The following PHC1 variants were observed in gnomAD, a reference collection of about 807,000 sequenced individuals.
The protein encoded by PHC1 is polyhomeotic-like protein 1.
In PHC1, 12 loss-of-function variants were observed where a neutral mutation model predicts 104.3. The observed-to-expected ratio is 0.12, with a 90% confidence interval of 0.07 to 0.19. PHC1 has a LOEUF of 0.19. Among genes scored for constraint, PHC1 ranks in the 10% least tolerant of loss-of-function variants. The pLI is 1.00. For synonymous variants in PHC1, 302 were observed against 455.8 expected (o/e 0.66, Z 4.30); for missense variants, 671 against 1,200.0 (o/e 0.56, Z 6.51).
At chr12:8,926,927 T>C (rs1419904549) in intron 6 of PHC1, among the ~76,000 whole-genome samples, 2 of 150,116 alleles carry the variant, frequency 1.3e-5, no homozygotes, top group Admixed American at 6.6e-5. Context: ...AAAAAAAAAA[T>C]GTTTGGGGAG....
chr12:8,928,094 G>A (rs1945580737), intron 6 of PHC1, among the ~76,000 whole-genome samples: 1 of 151,662 alleles, frequency 6.6e-6, no homozygotes, highest in Non-Finnish European at 1.5e-5. Context: ...TTTAGTAGAA[G>A]ACGGGGTTTC....
chr12:8,921,854 C>T (rs1418631624), intron 5 of PHC1, 104 bp downstream of exon 5: 1 of 1,159,942 alleles, frequency 8.6e-7, no homozygotes, highest in African/African-American at 1.6e-5. Flanking sequence ...CGCTATGTCA[C>T]CCAGGCTGGA....
At chr12:8,921,425 A>G (rs1945359556) in intron 4 of PHC1, among the ~76,000 whole-genome samples, 176 bp from the exon 5 acceptor site, 1 of 152,172 alleles carries the variant, frequency 6.6e-6, no homozygotes, top group Admixed American at 6.5e-5. Context: ...CACTTTGGTA[A>G]TACCCTAAAG....
chr12:8,917,873 T>C, intron 2 of PHC1, 82 bp downstream of exon 2: 3 of 731,362 alleles, frequency 4.1e-6, no homozygotes, highest in East Asian at 6.4e-5. Context: ...TTGTACTCAG[T>C]TCTTTTTCAA....
At chr12:8,934,175 A>T in intron 9 of PHC1, 92 bp from the exon 10 acceptor site, 1 of 1,294,448 alleles carries the variant, frequency 7.7e-7, no homozygotes, top group East Asian at 2.3e-5. Flanking sequence ...AAGGGTGGAC[A>T]TAGATTATTA....
rs373502292 is a variant in PHC1 at position 8,922,756 on chromosome 12, C to T, written c.580C>T (p.Gln194Ter). Residue 194 changes from glutamine to a stop codon, truncating the protein, a stop_gained, in exon 6 of 15, where the codon CAG becomes TAG. Transcript: ENST00000544916. LOFTEE classifies it high-confidence loss of function. Reference protein sequence around the residue: ...AAVQQEVPSAQSPGVHADADQ... With the variant: ...AAVQQEVPSA ...AGTCCAGCAGGAGGTGCCATCTGCT[C>T]AGTCTCCTGGAGTTCATGCAGATGC... The T allele has an allele frequency of 1.2e-6, 2 of 1,612,686 alleles. No individual in the cohort carries two copies. Among genetic ancestry groups the T allele is most frequent in the Non-Finnish European group, 1.7e-6 (2 of 1,179,544 alleles).
chr12:8,938,699 A>G (rs1006963047), intron 14 of PHC1, among the ~76,000 whole-genome samples: 3 of 152,210 alleles, frequency 2.0e-5, no homozygotes, highest in South Asian at 2.1e-4. Flanking sequence ...TTTTGCCAGT[A>G]TAAAAGAAAA....
rs191283268 is a variant in PHC1 at position 8,919,751 on chromosome 12, C to T, written c.115-5C>T. 34 of 1,611,512 alleles carry T rather than the reference C, an allele frequency of 2.1e-5. No individual in the cohort carries two copies. Among genetic ancestry groups the T allele is most frequent in the Admixed American group, 1.7e-5 (1 of 59,792 alleles). On this transcript the variant is annotated splice_region_variant and splice_polypyrimidine_tract_variant and intron_variant, in intron 2 of 14. Transcript: ENST00000544916. This position sits in a 1 kb window ranked among gnomAD's most constrained non-coding sequence, Gnocchi z 4.9. ...TTCTAAATGTTTTATCCTCTCTTTTCCTAGGCTCTGCAAGCACTGCAGCGG... is the reference window on the plus strand; with the variant it reads ...TTCTAAATGTTTTATCCTCTCTTTTTCTAGGCTCTGCAAGCACTGCAGCGG...
chr12:8,929,501 A>AT (rs60280013), intron 6 of PHC1, among the ~76,000 whole-genome samples: 11 of 150,526 alleles, frequency 7.3e-5, no homozygotes, highest in Middle Eastern at 3.4e-3. Context: ...GAAATTATAC[A>AT]TTTTTTTTAA....
chr12:8,937,047 C>G (rs926743944), intron 12 of PHC1, 83 bp downstream of exon 12: 44 of 1,387,642 alleles, frequency 3.2e-5, no homozygotes, highest in Non-Finnish European at 3.3e-5. Context: ...CGTCTCATAG[C>G]TGATATTTTA....
At position 8,930,871 on chromosome 12, in the gene PHC1, G is replaced by A; in HGVS notation, c.1049G>A (p.Gly350Asp). The change falls in exon 7 of 15, where the codon GGC becomes GAC. Residue 350 changes from glycine (G) to aspartate (D), a missense_variant. Gly to Asp is a moderately conservative substitution (Grantham distance 94). This residue lies in a region of PHC1 where 78 missense variants were observed against 140.8 expected (regional missense o/e 0.55). Transcript: ENST00000544916. ...EADGSGQQNV[G>D]MNLTRTATPA... ...GATGGGAGTGGCCAGCAGAATGTGG[G>A]CATGAACCTGACACGGACAGCCACA... 6.4e-7 allele frequency: 1 copy of A among 1,553,976 alleles called. No homozygotes were observed. Among genetic ancestry groups the A allele is most frequent in the Non-Finnish European group, 8.7e-7 (1 of 1,155,554 alleles).
In PHC1 at chr12:8,919,646, C is replaced by A; in HGVS notation, c.115-110C>A. On this transcript the variant is annotated intron_variant, in intron 2 of 14. Transcript: ENST00000544916. This position sits in a 1 kb window ranked among gnomAD's most constrained non-coding sequence, Gnocchi z 4.9. ...GACGATTTAGCCCAAACTCCCATCT[C>A]CTCTGGTTTCTGTCCTTCCCATGGC... 9.0e-7 allele frequency: 1 copy of A among 1,109,734 alleles called. No individual in the cohort carries two copies. The highest frequency in any genetic ancestry group is 1.3e-6 in the Non-Finnish European group (1 of 770,846). The allele number at this position is 1,109,734 out of a possible 1,614,324, so 68.7% of individuals were successfully genotyped here.
chr12:8,939,343 A>G lies in PHC1; in HGVS notation c.2899A>G (p.Ile967Val), dbSNP rs893253300. ...TGCAGAGGAATTTCGCTCACAGGAG[A>G]TTGATGGACAGGCCCTTTTATTACT... ...EIAEEFRSQE[I>V]DGQALLLLKE... The change falls in exon 15 of 15, where the codon ATT becomes GTT. Residue 967 changes from isoleucine (I) to valine (V), a missense_variant. Ile to Val is a conservative substitution (Grantham distance 29, BLOSUM62 3). Coordinates refer to ENST00000544916, the MANE Select transcript of PHC1 (RefSeq NM_004426.3). 1 of 1,613,538 alleles carries G rather than the reference A, an allele frequency of 6.2e-7. No individual in the cohort carries two copies. The highest frequency in any genetic ancestry group is 1.3e-5 in the African/African-American group (1 of 74,798).
At position 8,938,784 on chromosome 12, in the gene PHC1, A is replaced by C. The variant is rs1945920055; in HGVS notation, c.2861-521A>C. Among the ~76,000 whole-genome samples the C allele has an allele frequency of 1.3e-5, 2 of 151,886 alleles. 1 individual carries two copies. Among genetic ancestry groups the C allele is most frequent in the Admixed American group, 1.3e-4 (2 of 15,240 alleles). ...AATGAAGTTATTTCTGTGGTTGAAC[A>C]ATTTAGTTGCTTTTCCTTTCTTGGT... On this transcript the variant is annotated intron_variant, in intron 14 of 14. Coordinates refer to ENST00000544916, the MANE Select transcript of PHC1 (RefSeq NM_004426.3).
At chr12:8,920,791 G>A (rs896686170) in intron 3 of PHC1, among the ~76,000 whole-genome samples, 194 bp from the exon 4 acceptor site, 1 of 152,102 alleles carries the variant, frequency 6.6e-6, no homozygotes, top group Non-Finnish European at 1.5e-5. Context: ...GGTTATGTGG[G>A]GCTAATTGGT....
At position 8,939,542 on chromosome 12, in the gene PHC1, GAAGA is replaced by G. The variant is rs1173368788; in HGVS notation, c.*88_*91del. ...ACCTGGTACCAGCAGACTTTGCAGG[GAAGA>G]AAGAGTTGTTCCAATCATGTAACCT... On this transcript the variant is annotated 3_prime_UTR_variant, in exon 15 of 15. Transcript: ENST00000544916. 6.4e-5 allele frequency: 47 copies of G among 737,692 alleles called. No individual in the cohort carries two copies. In the South Asian group the frequency reaches 8.6e-4, roughly 13 times the overall value. The allele number at this position is 737,692 out of a possible 1,614,324, so 45.7% of individuals were successfully genotyped here. A position where few individuals can be genotyped will look rare whatever the true frequency, so the allele number is the denominator to read the frequency against.
chr12:8,936,775 A>G, intron 11 of PHC1, 81 bp from the exon 12 acceptor site: 1 of 895,158 alleles, frequency 1.1e-6, no homozygotes, highest in African/African-American at 1.7e-5. Flanking sequence ...GAATAATTTT[A>G]GAATCCAGCT....
chr12:8,936,982 C>G lies in PHC1; in HGVS notation c.2477+18C>G. 1 of 1,544,406 alleles carries G rather than the reference C, an allele frequency of 6.5e-7. No homozygotes were observed. Among genetic ancestry groups the G allele is most frequent in the Non-Finnish European group, 8.9e-7 (1 of 1,117,412 alleles). On this transcript the variant is annotated intron_variant, in intron 12 of 14. Transcript: ENST00000544916. ...GCTAAGAGGTACTCTGGGCACCCTCCTCCTTGCCCTCAGCACTGGTATCTC... is the reference window on the plus strand; with the variant it reads ...GCTAAGAGGTACTCTGGGCACCCTCGTCCTTGCCCTCAGCACTGGTATCTC...
chr12:8,937,385 C>T lies in PHC1; in HGVS notation c.2628+59C>T, dbSNP rs1945870188. 9.8e-6 allele frequency: 14 copies of T among 1,434,058 alleles called. No homozygotes were observed. In the South Asian group the frequency reaches 2.0e-4, roughly 20 times the overall value. 88.8% of individuals were successfully genotyped at this position (1,434,058 alleles called of 1,614,324 possible). A position where few individuals can be genotyped will look rare whatever the true frequency, so the allele number is the denominator to read the frequency against. On this transcript the variant is annotated intron_variant, in intron 13 of 14. Transcript: ENST00000544916. ...AACTGGGTCTTTTTTTCTTTCCCTG[C>T]AGGGCAATTCATTTGCCCAGGTAAG... is the stretch of plus-strand genomic sequence containing the variant.
Sources: gnomAD v4.1 joint callset for allele counts (sites outside exome capture counted in the v4.1 genomes callset) on GRCh38, gnomAD v4.1.1 for gene constraint, gnomAD v4.1.1 regional missense constraint, Gnocchi (gnomAD v3.1) non-coding constraint, MANE v1.5 for transcripts, NCBI Gene and HGNC (gene_info 2026-07-23, HGNC 2026-07-21) for gene names.